SLC36A1: variants seen among roughly 807,000 people sequenced by gnomAD.
SLC36A1 encodes the protein solute carrier family 36 member 1, also known as proton-coupled amino acid transporter 1.
In SLC36A1, 30 loss-of-function variants were observed where a neutral mutation model predicts 47.5. The ratio of observed to expected loss-of-function variants is 0.63; its 90% CI spans 0.47 to 0.86. The LOEUF is 0.86. SLC36A1 is among the 40% of genes least tolerant of loss of function. The pLI, the probability that SLC36A1 is intolerant of heterozygous loss-of-function variation, is 0.00. For synonymous variants in SLC36A1, 255 were observed against 249.7 expected, an observed-to-expected ratio of 1.02 and a Z score of -0.20; for missense variants, 517 against 606.0, an observed-to-expected ratio of 0.85 and a Z score of 1.54.
chr5:151,506,097 A>C, the SLC36A1 span: 18 of 1,510,572 alleles, frequency 1.2e-5, no homozygotes, highest in Non-Finnish European at 1.6e-5. Context: ...GCCAGGGTAC[A>C]CTGAAAGGGA....
At chr5:151,352,427 G>A in the SLC36A1 span, among the ~76,000 whole-genome samples, 2 of 152,194 alleles carry the variant, frequency 1.3e-5, no homozygotes, top group East Asian at 1.9e-4. Flanking sequence ...CCATTTGACA[G>A]ATGTGGAGTA....
chr5:151,488,280 C>A lies in SLC36A1; in HGVS notation c.*26C>A. ...GGATCTGGGTTCGTCTCTGCAGCTG[C>A]CTACCCCTGCCCCATGTGTCCCCCG... is the stretch of plus-strand genomic sequence containing the variant. On this transcript the variant is annotated 3_prime_UTR_variant, in exon 11 of 11. Coordinates refer to ENST00000243389, the MANE Select transcript of SLC36A1 (RefSeq NM_078483.4). The A allele has an allele frequency of 1.2e-6, 2 of 1,608,482 alleles. No individual in the cohort carries two copies. The highest frequency in any genetic ancestry group is 1.1e-5 in the South Asian group (1 of 90,190).
At chr5:151,526,381 G>A in the SLC36A1 span, among the ~76,000 whole-genome samples, 1 of 152,188 alleles carries the variant, frequency 6.6e-6, no homozygotes. Context: ...CTTCCTTAGA[G>A]GACCTGCATG....
At chr5:151,384,188 G>A in the SLC36A1 span, among the ~76,000 whole-genome samples, 2 of 152,142 alleles carry the variant, frequency 1.3e-5, no homozygotes, top group Non-Finnish European at 2.9e-5. Flanking sequence ...GGAGACCTGT[G>A]TTCTAGTCCT....
At chr5:151,378,157 A>T in the SLC36A1 span, 1 of 303,674 alleles carries the variant, frequency 3.3e-6, no homozygotes, top group Non-Finnish European at 6.6e-6. Context: ...GTGAAAGAGC[A>T]GGACAATCAT....
At chr5:151,426,547 G>A in the SLC36A1 span, among the ~76,000 whole-genome samples, 1 of 152,058 alleles carries the variant, frequency 6.6e-6, no homozygotes, top group South Asian at 2.1e-4. Flanking sequence ...CCACCAGCAT[G>A]TCTCACCTCC....
the SLC36A1 span, among the ~76,000 whole-genome samples, chr5:151,409,051 T>G: frequency 6.7e-6 from 1 of 149,456 alleles, no homozygotes; most frequent in African/African-American, 2.5e-5. Context: ...CAGGCTGGAG[T>G]GCAGTGGTGT....
the SLC36A1 span, among the ~76,000 whole-genome samples, chr5:151,553,667 A>G: frequency 1.3e-5 from 2 of 152,228 alleles, no homozygotes; most frequent in Admixed American, 6.5e-5. Flanking sequence ...ACTGTGTGCT[A>G]CTTCCTAAAT....
the SLC36A1 span, among the ~76,000 whole-genome samples, chr5:151,541,508 A>T: frequency 2.0e-5 from 3 of 152,176 alleles, no homozygotes; most frequent in African/African-American, 7.2e-5. Context: ...TTTCAGGCTC[A>T]TGGGCTTTTC....
At chr5:151,345,909 C>T in the SLC36A1 span, among the ~76,000 whole-genome samples, 10 of 152,260 alleles carry the variant, frequency 6.6e-5, no homozygotes, top group East Asian at 1.7e-3. Context: ...GCTCAAATCT[C>T]CCAGGAGGAG....
the SLC36A1 span, among the ~76,000 whole-genome samples, chr5:151,427,445 C>T: frequency 6.6e-6 from 1 of 152,200 alleles, no homozygotes; most frequent in African/African-American, 2.4e-5. Flanking sequence ...CTGGCAACCA[C>T]CATGTGTCAC....
the SLC36A1 span, chr5:151,510,216 G>A: frequency 6.2e-7 from 1 of 1,601,622 alleles, no homozygotes; most frequent in Non-Finnish European, 8.5e-7. Flanking sequence ...CACTGGCCTA[G>A]CAGTTAAAGG....
In SLC36A1 at chr5:151,467,790, C is replaced by T; in HGVS notation, c.588C>T (p.Leu196=). The T allele has an allele frequency of 6.2e-7, 1 of 1,614,130 alleles. No individual in the cohort carries two copies. ...TGACGCCTACCATGGACTCGCGACT[C>T]TACATGCTCTCCTTCCTGCCCTTCC... is the stretch of plus-strand genomic sequence containing the variant. The part of the protein sequence containing the change: ...VILTPTMDSR[L]YMLSFLPFLV... The change falls in exon 7 of 11, where the codon CTC becomes CTT. Residue 196 remains leucine, a synonymous_variant. Coordinates refer to ENST00000243389, the MANE Select transcript of SLC36A1 (RefSeq NM_078483.4).
the SLC36A1 span, among the ~76,000 whole-genome samples, chr5:151,393,111 G>A: frequency 1.3e-5 from 2 of 151,294 alleles, no homozygotes; most frequent in African/African-American, 4.9e-5. Context: ...ATGTATTTAG[G>A]ATAGTTAGCT....
the SLC36A1 span, chr5:151,550,786 G>C: frequency 2.5e-6 from 4 of 1,614,006 alleles, no homozygotes; most frequent in Non-Finnish European, 3.4e-6. Flanking sequence ...CCCTGGCACG[G>C]TGTCCTGGGG....
At chr5:151,359,289 C>G in the SLC36A1 span, among the ~76,000 whole-genome samples, 17 of 152,312 alleles carry the variant, frequency 1.1e-4, no homozygotes, top group Admixed American at 1.0e-3. Context: ...TGGCTACCCC[C>G]ACTCAACCTA....
the SLC36A1 span, among the ~76,000 whole-genome samples, chr5:151,410,504 A>G: frequency 6.9e-6 from 1 of 144,844 alleles, no homozygotes; most frequent in African/African-American, 2.5e-5. Flanking sequence ...GTCTGTCCTT[A>G]AGGACTTGGT....
At chr5:151,505,709 G>C in the SLC36A1 span, 3 of 1,614,002 alleles carry the variant, frequency 1.9e-6, no homozygotes, top group Admixed American at 3.3e-5. Flanking sequence ...CAGCTCGGCT[G>C]AGGCGCATAC....
chr5:151,553,091 G>A, the SLC36A1 span: 1 of 1,382,488 alleles, frequency 7.2e-7, no homozygotes, highest in Non-Finnish European at 1.0e-6. Flanking sequence ...CTTGAGAAGA[G>A]TCAGAAGGAC....
Sources: gnomAD v4.1 joint callset for allele counts (sites outside exome capture counted in the v4.1 genomes callset) on GRCh38, gnomAD v4.1.1 for gene constraint, MANE v1.5 for transcripts, NCBI Gene and HGNC (gene_info 2026-07-23, HGNC 2026-07-21) for gene names.